Variants in NBEAL1 observed in about 807,000 individuals in gnomAD.
NBEAL1 encodes the protein neurobeachin-like protein 1.
A neutral mutation model predicts 351.3 loss-of-function variants in NBEAL1; 273 were observed. The ratio of observed to expected loss-of-function variants is 0.78; its 90% CI spans 0.70 to 0.86. The LOEUF is 0.86. Ranked by LOEUF, NBEAL1 falls within the 40% of genes least tolerant of loss-of-function variation. NBEAL1 has a pLI of 0.00. For missense variants in NBEAL1, 2,961 were observed against 3,201.3 expected (o/e 0.92, Z 1.81); for synonymous variants, 1,050 against 1,086.4 (o/e 0.97, Z 0.66).
chr2:203,071,359 C>T (rs186271711), intron 7 of NBEAL1, among the ~76,000 whole-genome samples: 2 of 152,274 alleles, frequency 1.3e-5, no homozygotes, highest in African/African-American at 2.4e-5. Context: ...TTGTCTCTTC[C>T]TCTTCTTACA....
intron 17 of NBEAL1, among the ~76,000 whole-genome samples, chr2:203,114,819 T>C (rs377216936): frequency 6.7e-6 from 1 of 148,214 alleles, no homozygotes; most frequent in Non-Finnish European, 1.5e-5. Context: ...GTGGCTGATA[T>C]TGGCTCACTA....
intron 3 of NBEAL1, among the ~76,000 whole-genome samples, chr2:203,042,536 A>G (rs1468124846): frequency 4.6e-5 from 7 of 151,468 alleles, no homozygotes; most frequent in South Asian, 2.1e-4. Context: ...CCCTAGAAGT[A>G]TAAGTGGTGG....
At chr2:203,094,864 G>A (rs560049316) in intron 10 of NBEAL1, among the ~76,000 whole-genome samples, 1 of 152,334 alleles carries the variant, frequency 6.6e-6, no homozygotes, top group African/African-American at 2.4e-5. Context: ...GCTCACGCCT[G>A]TAATCCCAGC....
At chr2:203,108,229 A>T in intron 14 of NBEAL1, 41 bp downstream of exon 14, 1 of 1,386,626 alleles carries the variant, frequency 7.2e-7, no homozygotes, top group Non-Finnish European at 9.8e-7. Flanking sequence ...ATACTGTCAT[A>T]ACAATATATG....
Position 203,077,784 on chromosome 2 carries a change from A to T in NBEAL1, c.631A>T (p.Ser211Cys). The T allele has an allele frequency of 6.8e-7, 1 of 1,463,974 alleles. No individual in the cohort carries two copies. 90.7% of individuals were successfully genotyped at this position (1,463,974 alleles called of 1,614,324 possible). A position where few individuals can be genotyped will look rare whatever the true frequency, so the allele number is the denominator to read the frequency against. Residue 211 changes from serine (S) to cysteine (C), a missense_variant, in exon 8 of 56, where the codon AGT becomes TGT. Ser to Cys is a moderately radical substitution (Grantham distance 112, BLOSUM62 -1). Transcript: ENST00000683969. ...TCAGGAAAGTGAACATCTCAAGGAAAGTCTTAAATGTTGCTTATTGCATCT... is the reference window on the plus strand; with the variant it reads ...TCAGGAAAGTGAACATCTCAAGGAATGTCTTAAATGTTGCTTATTGCATCT... ...CFQESEHLKESLKCCLLHLFG... is the reference protein window; with the variant it reads ...CFQESEHLKECLKCCLLHLFG...
Position 203,112,080 on chromosome 2 carries a change from A to G in NBEAL1, c.2184A>G (p.Arg728=). ...NGQQKVSAPL[R]FPAMNEPFTS... is the part of the protein sequence containing the mutation. ...AACAGAAGGTTTCTGCCCCTCTCAG[A>G]TTTCCTGCCATGAATGAAGTAAGTA... The change falls in exon 16 of 56, where the codon AGA becomes AGG. Residue 728 remains arginine (R), a synonymous_variant. Coordinates refer to ENST00000683969, the MANE Select transcript of NBEAL1 (RefSeq NM_001378026.1). 5.2e-6 allele frequency: 8 copies of G among 1,551,940 alleles called. No individual in the cohort carries two copies. The highest frequency in any genetic ancestry group is 7.0e-6 in the Non-Finnish European group (8 of 1,147,054).
chr2:203,165,917 C>T (rs2064116187), intron 36 of NBEAL1, among the ~76,000 whole-genome samples: 1 of 152,052 alleles, frequency 6.6e-6, no homozygotes, highest in Non-Finnish European at 1.5e-5. Context: ...GTGGCATGCA[C>T]CTGTATTCCC....
chr2:203,021,089 G>C (rs189296273), intron 2 of NBEAL1, among the ~76,000 whole-genome samples: 6 of 151,978 alleles, frequency 3.9e-5, no homozygotes, highest in Admixed American at 2.0e-4. Flanking sequence ...ACCAGGCCCA[G>C]CTAAATTTTT....
chr2:203,166,351 T>A (rs2064131475), intron 37 of NBEAL1, 54 bp downstream of exon 37: 2 of 1,476,468 alleles, frequency 1.4e-6, no homozygotes, highest in Admixed American at 4.4e-5. Context: ...AGTATCTAAT[T>A]TATCAATCAT....
At chr2:203,210,858 T>G (rs2065768614) in intron 53 of NBEAL1, 100 bp from the exon 54 acceptor site, 2 of 593,524 alleles carry the variant, frequency 3.4e-6, no homozygotes, top group Non-Finnish European at 5.5e-6. Context: ...TCCTAAAATG[T>G]TAAGCCAAAT....
At chr2:203,087,623 A>G (rs1050965486) in intron 10 of NBEAL1, among the ~76,000 whole-genome samples, 2 of 152,128 alleles carry the variant, frequency 1.3e-5, no homozygotes, top group African/African-American at 4.8e-5. Flanking sequence ...TTTCTTATTC[A>G]TGCTTTTTAA....
chr2:203,092,082 A>G (rs1468062711), intron 10 of NBEAL1, among the ~76,000 whole-genome samples: 2 of 152,216 alleles, frequency 1.3e-5, no homozygotes, highest in African/African-American at 4.8e-5. Flanking sequence ...CATAGGGCGT[A>G]CACTTTTCTT....
intron 17 of NBEAL1, 112 bp downstream of exon 17, chr2:203,113,430 T>TC: frequency 1.1e-5 from 7 of 622,368 alleles, no homozygotes; most frequent in Non-Finnish European, 1.4e-5. Context: ...AAGAATATAT[T>TC]TCATGTGAAG....
intron 6 of NBEAL1, among the ~76,000 whole-genome samples, chr2:203,064,346 C>T (rs1005435569): frequency 2.0e-5 from 3 of 152,162 alleles, no homozygotes; most frequent in African/African-American, 7.2e-5. Flanking sequence ...AGCCACTGCG[C>T]CCGGCCATGT....
chr2:203,056,610 A>T, intron 5 of NBEAL1, 102 bp downstream of exon 5: 1 of 721,574 alleles, frequency 1.4e-6, no homozygotes, highest in Non-Finnish European at 2.4e-6. Flanking sequence ...CTTGTTGCCC[A>T]GGCTGGAGTG....
At chr2:203,079,617 A>G (rs2061837150) in intron 8 of NBEAL1, among the ~76,000 whole-genome samples, 1 of 152,056 alleles carries the variant, frequency 6.6e-6, no homozygotes, top group South Asian at 2.1e-4. Context: ...ACATTCTCTT[A>G]CTAGCATCAG....
At position 203,063,088 on chromosome 2, in the gene NBEAL1, G is replaced by A. The variant is rs570812729; in HGVS notation, c.516-5305G>A. On this transcript the variant is annotated intron_variant, in intron 6 of 55. Transcript: ENST00000683969. Reference sequence around the variant, plus strand: ...TGATGACAACAAATAGATGCTTTTTGTAGATTTGATTAATCTGTTATCAAT... The same window carrying A: ...TGATGACAACAAATAGATGCTTTTTATAGATTTGATTAATCTGTTATCAAT... Among the ~76,000 whole-genome samples, 5 of 152,212 alleles carry A rather than the reference G, an allele frequency of 3.3e-5. No homozygotes were observed. The East Asian group carries it at 5.8e-4, about 18-fold the overall frequency.
intron 35 of NBEAL1, among the ~76,000 whole-genome samples, chr2:203,155,642 C>T (rs1056410774): frequency 6.6e-6 from 1 of 151,822 alleles, no homozygotes; most frequent in Non-Finnish European, 1.5e-5. Context: ...GAGACAAGGT[C>T]GCCCTCTGTT....
rs572794495 is a variant in NBEAL1 at position 203,093,822 on chromosome 2, G to A, written c.1099-3725G>A. Among the ~76,000 whole-genome samples the A allele has an allele frequency of 2.6e-5, 4 of 152,184 alleles. No individual in the cohort carries two copies. In the East Asian group the frequency reaches 7.7e-4, roughly 29 times the overall value. On this transcript the variant is annotated intron_variant, in intron 10 of 55. Transcript: ENST00000683969. ...ATCACACCACTGCACTCCAGCCTGG[G>A]TGACAGAGCAGGACTCTGTCTCAAA... is the stretch of plus-strand genomic sequence containing the variant.
Sources: allele counts gnomAD v4.1 joint callset (sites outside exome capture counted in the v4.1 genomes callset), GRCh38; gene constraint gnomAD v4.1.1; transcripts MANE v1.5; gene names NCBI Gene and HGNC (gene_info 2026-07-23, HGNC 2026-07-21).